ZBBX: variants seen among roughly 807,000 people sequenced by gnomAD.
ZBBX encodes zinc finger B-box domain containing.
Under a neutral mutation model 108.5 loss-of-function variants are expected in ZBBX, and 101 were observed. The ratio of observed to expected loss-of-function variants is 0.93; its 90% CI spans 0.79 to 1.10. ZBBX has a LOEUF of 1.10. Among genes scored for constraint, ZBBX ranks in the 50% least tolerant of loss-of-function variants. ZBBX has a pLI of 0.00. For missense variants in ZBBX, 1,009 were observed against 941.4 expected, an observed-to-expected ratio of 1.07 and a Z score of -0.94; for synonymous variants, 356 against 323.4, an observed-to-expected ratio of 1.10 and a Z score of -1.08.
At chr3:167,246,161 C>A (rs1721534538) in intron 20 of ZBBX, among the ~76,000 whole-genome samples, 2 of 152,154 alleles carry the variant, frequency 1.3e-5, no homozygotes, top group Non-Finnish European at 2.9e-5. Flanking sequence ...ATAAAAGCAA[C>A]CAGTAATTAT....
At chr3:167,310,179 A>G (rs143784962) in intron 16 of ZBBX, among the ~76,000 whole-genome samples, 26 of 152,256 alleles carry the variant, frequency 1.7e-4, no homozygotes, top group Non-Finnish European at 3.5e-4. Context: ...TCAGTTCCCA[A>G]TAAGTTCCTC....
the ZBBX span, among the ~76,000 whole-genome samples, chr3:167,222,131 T>C: frequency 6.6e-6 from 1 of 151,068 alleles, no homozygotes; most frequent in Non-Finnish European, 1.5e-5. Flanking sequence ...CTATTCACAA[T>C]AGACAAGATT....
upstream of ZBBX, among the ~76,000 whole-genome samples, chr3:167,382,399 G>T (rs1747784045): frequency 6.6e-6 from 1 of 152,160 alleles, no homozygotes; most frequent in Non-Finnish European, 1.5e-5. Context: ...TGGCACACCA[G>T]CAATGCCGCA....
At chr3:167,369,705 G>A (rs1437166946) in intron 4 of ZBBX, among the ~76,000 whole-genome samples, 2 of 152,162 alleles carry the variant, frequency 1.3e-5, no homozygotes, top group African/African-American at 2.4e-5. Context: ...CTGTCATTGG[G>A]GAAGTACAGG....
At chr3:167,321,819 T>A (rs1736493591) in intron 12 of ZBBX, among the ~76,000 whole-genome samples, 1 of 152,016 alleles carries the variant, frequency 6.6e-6, no homozygotes, top group African/African-American at 2.4e-5. Flanking sequence ...AAAGTAATAT[T>A]TCATTTATCA....
At chr3:167,297,342 C>T (rs1560088347) in intron 18 of ZBBX, among the ~76,000 whole-genome samples, 1 of 151,850 alleles carries the variant, frequency 6.6e-6, no homozygotes. Flanking sequence ...TATCCATACG[C>T]AAAATAATGA....
intron 20 of ZBBX, among the ~76,000 whole-genome samples, chr3:167,264,080 A>G (rs915081734): frequency 5.9e-5 from 9 of 151,502 alleles, no homozygotes; most frequent in Non-Finnish European, 1.3e-4. Context: ...CCATTCCTTT[A>G]TTTTCAGTTC....
chr3:167,190,407 GTC>G, the ZBBX span, among the ~76,000 whole-genome samples: 1 of 133,184 alleles, frequency 7.5e-6, no homozygotes, highest in Non-Finnish European at 1.5e-5. Context: ...TTGAGACGGA[GTC>G]TCTCTCTGTC....
At chr3:167,285,465 G>A (rs944817708) in intron 19 of ZBBX, among the ~76,000 whole-genome samples, 1 of 150,900 alleles carries the variant, frequency 6.6e-6, no homozygotes, top group South Asian at 2.1e-4. Flanking sequence ...TACATAAAAA[G>A]AATTCTTAGA....
At chr3:167,181,822 G>A in the ZBBX span, among the ~76,000 whole-genome samples, 1 of 152,142 alleles carries the variant, frequency 6.6e-6, no homozygotes, top group Admixed American at 6.5e-5. Flanking sequence ...GACCTACCTA[G>A]AAGTAATCCT....
chr3:167,282,338 A>G lies in ZBBX; in HGVS notation c.2154T>C (p.Ile718=), dbSNP rs771432262. The part of the protein sequence containing the change: ...AASEISEIEY[I]DITDQNELSL... ...AAAGCTCATTCTGGTCAGTAATATC[A>G]ATATATTCAATTTCTGAAATTTCAG... The change falls in exon 20 of 22, where the codon ATT becomes ATC. Residue 718 remains isoleucine (I), a synonymous_variant. Coordinates refer to ENST00000675490, the MANE Select transcript of ZBBX (RefSeq NM_001199201.2). 21 of 1,614,074 alleles carry G rather than the reference A, an allele frequency of 1.3e-5. No individual in the cohort carries two copies. The highest frequency in any genetic ancestry group is 1.6e-5 in the Non-Finnish European group (19 of 1,179,966).
chr3:167,239,692 G>A (rs191038075), downstream of ZBBX, among the ~76,000 whole-genome samples: 720 of 152,092 alleles, frequency 4.7e-3, 3 homozygotes, highest in Non-Finnish European at 7.4e-3. Flanking sequence ...ACATTTGAGG[G>A]GAGTAAAAAG....
intron 1 of ZBBX, among the ~76,000 whole-genome samples, chr3:167,388,877 G>A (rs1319956294): frequency 6.6e-6 from 1 of 152,022 alleles, no homozygotes; most frequent in Admixed American, 6.6e-5. Flanking sequence ...TGAAGATCAT[G>A]TCTTAAATTT....
At chr3:167,218,686 TA>T in the ZBBX span, among the ~76,000 whole-genome samples, 1 of 150,738 alleles carries the variant, frequency 6.6e-6, no homozygotes, top group African/African-American at 2.4e-5. Context: ...TCATCTTCAC[TA>T]AAAAAAAGAG....
intron 21 of ZBBX, among the ~76,000 whole-genome samples, chr3:167,242,216 A>C (rs1394782562): frequency 2.0e-5 from 3 of 152,212 alleles, no homozygotes; most frequent in African/African-American, 7.2e-5. Context: ...ATTGATTTTC[A>C]ATATAATAAG....
chr3:167,405,675 TTAG>T (rs1748559415), intron 1 of ZBBX, among the ~76,000 whole-genome samples: 1 of 152,210 alleles, frequency 6.6e-6, no homozygotes, highest in Admixed American at 6.5e-5. Flanking sequence ...TAACCTGAAA[TTAG>T]TAATTGAAGA....
intron 20 of ZBBX, among the ~76,000 whole-genome samples, chr3:167,243,544 A>G (rs1401505158): frequency 6.6e-6 from 1 of 151,968 alleles, no homozygotes; most frequent in Non-Finnish European, 1.5e-5. Context: ...GATTATAGGC[A>G]TGTGCCACCA....
intron 19 of ZBBX, among the ~76,000 whole-genome samples, chr3:167,288,652 C>G (rs1277190254): frequency 1.3e-5 from 2 of 152,116 alleles, no homozygotes; most frequent in Admixed American, 6.5e-5. Flanking sequence ...TAGAAAATAA[C>G]TAAGATGATA....
chr3:167,296,749 T>C (rs951075325), intron 18 of ZBBX, among the ~76,000 whole-genome samples: 17 of 151,958 alleles, frequency 1.1e-4, no homozygotes, highest in South Asian at 8.3e-4. Context: ...AAGAAACATA[T>C]CTCATGTTCA....
Sources: gnomAD v4.1 joint callset for allele counts (sites outside exome capture counted in the v4.1 genomes callset) on GRCh38, gnomAD v4.1.1 for gene constraint, MANE v1.5 for transcripts, NCBI Gene and HGNC (gene_info 2026-07-23, HGNC 2026-07-21) for gene names.